The following PTPRD variants were observed in gnomAD, a reference collection of about 807,000 sequenced individuals.
PTPRD encodes receptor-type tyrosine-protein phosphatase delta.
In PTPRD, 34 loss-of-function variants were observed where a neutral mutation model predicts 214.5. That is an observed-to-expected ratio of 0.16 (90% confidence interval 0.12 to 0.21). The LOEUF (loss-of-function observed/expected upper bound fraction) is 0.21. Among genes scored for constraint, PTPRD ranks in the 10% least tolerant of loss-of-function variants. The pLI, the probability that PTPRD is intolerant of heterozygous loss-of-function variation, is 1.00. For missense variants in PTPRD, 2,545 were observed against 2,398.7 expected (o/e 1.06, Z -1.27); for synonymous variants, 1,128 against 845.7 (o/e 1.33, Z -5.79).
At chr9:9,663,351 A>T (rs1415970778) in intron 7 of PTPRD, among the ~76,000 whole-genome samples, 1 of 150,814 alleles carries the variant, frequency 6.6e-6, no homozygotes, top group South Asian at 2.1e-4. Context: ...ATATCAATAA[A>T]CTTAATTTCA....
At chr9:10,526,754 C>A (rs1191821469) in intron 2 of PTPRD, among the ~76,000 whole-genome samples, 2 of 152,042 alleles carry the variant, frequency 1.3e-5, no homozygotes, top group Non-Finnish European at 2.9e-5. Context: ...ATTGAGGTTC[C>A]TTAAAGTTAC....
intron 3 of PTPRD, among the ~76,000 whole-genome samples, chr9:10,055,217 A>G (rs2097606343): frequency 6.6e-6 from 1 of 152,144 alleles, no homozygotes; most frequent in African/African-American, 2.4e-5. Flanking sequence ...ATAGAAATAC[A>G]TGCTGACCAA....
chr9:8,827,847 G>C (rs910045562), intron 11 of PTPRD, among the ~76,000 whole-genome samples: 1 of 152,076 alleles, frequency 6.6e-6, no homozygotes, highest in African/African-American at 2.4e-5. Flanking sequence ...AACTTGAATA[G>C]GACCTATTGA....
At chr9:8,659,882 T>A (rs1195261081) in intron 12 of PTPRD, among the ~76,000 whole-genome samples, 3 of 152,186 alleles carry the variant, frequency 2.0e-5, no homozygotes, top group Admixed American at 2.0e-4. Flanking sequence ...AAGAATATTA[T>A]CATGGCAGTG....
chr9:8,493,010 C>G (rs779666985), intron 26 of PTPRD, 31 bp from the exon 27 acceptor site: 2 of 1,551,062 alleles, frequency 1.3e-6, no homozygotes, highest in Admixed American at 1.7e-5. Flanking sequence ...GTCACTGATT[C>G]AAAACATGCT....
intron 9 of PTPRD, among the ~76,000 whole-genome samples, chr9:9,239,687 A>G (rs922911439): frequency 1.3e-5 from 2 of 152,124 alleles, no homozygotes; most frequent in Admixed American, 6.6e-5. Context: ...TACAGCCTGA[A>G]GACATTTGTG....
At chr9:10,540,489 C>T (rs1403648857) in intron 2 of PTPRD, among the ~76,000 whole-genome samples, 1 of 152,134 alleles carries the variant, frequency 6.6e-6, no homozygotes, top group Admixed American at 6.6e-5. Context: ...TCTTTTATTA[C>T]TCCTTTTCCC....
At position 8,319,966 on chromosome 9, in the gene PTPRD, G is replaced by C. The variant is rs748716978; in HGVS notation, c.5535C>G (p.Ser1845Arg). The change falls in exon 45 of 46, where the codon AGC becomes AGG. Residue 1845 changes from serine to arginine, a missense_variant and splice_region_variant. Transcript: ENST00000381196. Reference protein sequence around the residue: ...GQDGPISVHCSAGVGRTGVFI... With the variant: ...GQDGPISVHCRAGVGRTGVFI... ...AGACTCCAGTTCTTCCAACGCCCGCGCTGCCACAATAACAAAGGCGATGTT... is the reference window on the plus strand; with the variant it reads ...AGACTCCAGTTCTTCCAACGCCCGCCCTGCCACAATAACAAAGGCGATGTT... 1 of 1,611,124 alleles carries C rather than the reference G, an allele frequency of 6.2e-7. No individual in the cohort carries two copies. Among genetic ancestry groups the C allele is most frequent in the Non-Finnish European group, 8.5e-7 (1 of 1,178,766 alleles).
chr9:10,225,768 T>C (rs1476218509), intron 3 of PTPRD, among the ~76,000 whole-genome samples: 2 of 152,052 alleles, frequency 1.3e-5, no homozygotes, highest in East Asian at 3.9e-4. Context: ...ATCCCATAAA[T>C]AATGCTATTT....
At chr9:10,237,573 C>A (rs777107281) in intron 3 of PTPRD, among the ~76,000 whole-genome samples, 37 of 151,926 alleles carry the variant, frequency 2.4e-4, no homozygotes, top group Non-Finnish European at 3.5e-4. Context: ...TCAAAAGACA[C>A]ATGACATGAA....
At chr9:9,326,268 G>A (rs1012490090) in intron 9 of PTPRD, among the ~76,000 whole-genome samples, 6 of 152,170 alleles carry the variant, frequency 3.9e-5, no homozygotes, top group African/African-American at 1.4e-4. Flanking sequence ...GATGACAATA[G>A]GAGGAAATGA....
At chr9:8,830,976 C>T (rs1451756482) in intron 11 of PTPRD, among the ~76,000 whole-genome samples, 1 of 152,038 alleles carries the variant, frequency 6.6e-6, no homozygotes, top group Non-Finnish European at 1.5e-5. Flanking sequence ...AACAAATATG[C>T]TTTAGAATAC....
At chr9:10,124,672 T>C (rs2098802060) in intron 3 of PTPRD, among the ~76,000 whole-genome samples, 1 of 152,174 alleles carries the variant, frequency 6.6e-6, no homozygotes, top group African/African-American at 2.4e-5. Context: ...ATGTTATTAA[T>C]ACCAATTTGT....
At chr9:8,818,676 G>A (rs1289643071) in intron 11 of PTPRD, among the ~76,000 whole-genome samples, 1 of 152,194 alleles carries the variant, frequency 6.6e-6, no homozygotes, top group African/African-American at 2.4e-5. Flanking sequence ...CCTAAGAACA[G>A]ACCAAATACT....
chr9:8,613,389 T>C (rs2095514132), intron 14 of PTPRD, among the ~76,000 whole-genome samples: 1 of 152,162 alleles, frequency 6.6e-6, no homozygotes, highest in African/African-American at 2.4e-5. Flanking sequence ...TTACTTTGCC[T>C]TCCTTCTGGG....
chr9:10,441,943 G>C (rs531238809), intron 2 of PTPRD, among the ~76,000 whole-genome samples: 1 of 151,452 alleles, frequency 6.6e-6, no homozygotes, highest in Non-Finnish European at 1.5e-5. Flanking sequence ...ACTGTCACAA[G>C]ACACATCATG....
At chr9:10,261,857 T>C (rs1295621513) in intron 3 of PTPRD, among the ~76,000 whole-genome samples, 1 of 152,110 alleles carries the variant, frequency 6.6e-6, no homozygotes, top group African/African-American at 2.4e-5. Context: ...ATGGGAAGCC[T>C]TAAGGTATAC....
chr9:9,703,359 A>C (rs1564639657), intron 7 of PTPRD, among the ~76,000 whole-genome samples: 1 of 152,158 alleles, frequency 6.6e-6, no homozygotes, highest in South Asian at 2.1e-4. Flanking sequence ...TAATACAATT[A>C]TCAAAACTCA....
chr9:9,070,106 T>C (rs2154407864), intron 10 of PTPRD, among the ~76,000 whole-genome samples: 1 of 152,292 alleles, frequency 6.6e-6, no homozygotes, highest in Admixed American at 6.5e-5. Flanking sequence ...GGAGAACAGC[T>C]GAGCTTCATA....
Sources: allele counts gnomAD v4.1 joint callset (sites outside exome capture counted in the v4.1 genomes callset), GRCh38; gene constraint gnomAD v4.1.1; transcripts MANE v1.5; gene names NCBI Gene and HGNC (gene_info 2026-07-23, HGNC 2026-07-21).